The following SLC5A12 variants were observed in gnomAD, a reference collection of about 807,000 sequenced individuals.
SLC5A12 encodes the protein sodium-coupled monocarboxylate transporter 2.
In SLC5A12, 46 loss-of-function variants were observed where a neutral mutation model predicts 72.7. The ratio of observed to expected loss-of-function variants is 0.63; its 90% CI spans 0.50 to 0.81. SLC5A12 has a LOEUF of 0.81. Among genes scored for constraint, SLC5A12 ranks in the 30% least tolerant of loss-of-function variants. SLC5A12 has a pLI of 0.00. For synonymous variants in SLC5A12, 275 were observed against 264.4 expected, an observed-to-expected ratio of 1.04 and a Z score of -0.39; for missense variants, 683 against 740.7, an observed-to-expected ratio of 0.92 and a Z score of 0.90.
chr11:26,685,465 C>T (rs576119888), intron 10 of SLC5A12, among the ~76,000 whole-genome samples: 52 of 151,814 alleles, frequency 3.4e-4, no homozygotes, highest in Non-Finnish European at 6.0e-4. Context: ...ACTAAAACTA[C>T]AAAAATTAAC....
chr11:26,707,076 C>A (rs1855107165), intron 4 of SLC5A12, among the ~76,000 whole-genome samples: 1 of 151,772 alleles, frequency 6.6e-6, no homozygotes, highest in South Asian at 2.1e-4. Context: ...TCTTGACATT[C>A]AACTCCTGAA....
intron 1 of SLC5A12, among the ~76,000 whole-genome samples, chr11:26,714,062 C>G (rs1033820289): frequency 1.3e-5 from 2 of 151,334 alleles, no homozygotes; most frequent in Non-Finnish European, 2.9e-5. Flanking sequence ...ATTTTCTCAC[C>G]TCAAAATCCT....
At chr11:26,712,198 G>A (rs991833708) in intron 2 of SLC5A12, among the ~76,000 whole-genome samples, 1 of 152,100 alleles carries the variant, frequency 6.6e-6, no homozygotes, top group African/African-American at 2.4e-5. Flanking sequence ...ATAAGAAAGA[G>A]AGGGAAGTAG....
chr11:26,671,040 G>C lies in SLC5A12; in HGVS notation c.*62C>G. 6.8e-6 allele frequency: 7 copies of C among 1,032,146 alleles called. No homozygotes were observed. The highest frequency in any genetic ancestry group is 9.3e-6 in the Non-Finnish European group (7 of 749,116). The allele number at this position is 1,032,146 out of a possible 1,614,324, so 63.9% of individuals were successfully genotyped here. On this transcript the variant is annotated 3_prime_UTR_variant, in exon 15 of 15. Coordinates refer to ENST00000396005, the MANE Select transcript of SLC5A12 (RefSeq NM_178498.4). ...CTACTAACAAGTAGGCAAGAAGTAT[G>C]TGGAGTTTGTGTGTGTGTGTGTGTA...
chr11:26,696,185 C>T (rs56023810), intron 8 of SLC5A12, among the ~76,000 whole-genome samples: 86 of 152,280 alleles, frequency 5.6e-4, no homozygotes, highest in African/African-American at 2.0e-3. Context: ...TCTTCCATGT[C>T]TATTAGAAAG....
intron 13 of SLC5A12, among the ~76,000 whole-genome samples, chr11:26,675,915 A>C (rs1854253874): frequency 6.6e-6 from 1 of 151,944 alleles, no homozygotes; most frequent in Admixed American, 6.6e-5. Flanking sequence ...AACTTGCAAC[A>C]GAAAGAATGG....
chr11:26,675,876 G>A (rs1854252898), intron 13 of SLC5A12, among the ~76,000 whole-genome samples: 2 of 152,040 alleles, frequency 1.3e-5, no homozygotes, highest in Admixed American at 6.6e-5. Context: ...TAAAATTTCA[G>A]AAACCTAGGA....
At chr11:26,698,188 G>A (rs543201267) in intron 7 of SLC5A12, among the ~76,000 whole-genome samples, 216 of 152,158 alleles carry the variant, frequency 1.4e-3, no homozygotes, top group Non-Finnish European at 1.8e-3. Context: ...GTGATCCACC[G>A]TGCCTGGCCA....
intron 8 of SLC5A12, among the ~76,000 whole-genome samples, chr11:26,693,517 C>T (rs983316524): frequency 2.0e-4 from 31 of 152,144 alleles, no homozygotes; most frequent in Admixed American, 1.6e-3. Flanking sequence ...AGGACCTGAA[C>T]GTTGGGGTTT....
intron 13 of SLC5A12, among the ~76,000 whole-genome samples, chr11:26,677,193 C>A (rs1411732040): frequency 6.6e-6 from 1 of 151,936 alleles, no homozygotes; most frequent in Non-Finnish European, 1.5e-5. Context: ...CATAATTAGA[C>A]TTTGTTAGAG....
At chr11:26,691,765 C>T (rs1003516756) in intron 9 of SLC5A12, 1 of 151,926 alleles carries the variant, frequency 6.6e-6, no homozygotes, top group Non-Finnish European at 1.5e-5. Context: ...AAAAGTAAAC[C>T]TTGTGAAACT....
At chr11:26,676,176 AT>A (rs1854261022) in intron 13 of SLC5A12, among the ~76,000 whole-genome samples, 1 of 152,116 alleles carries the variant, frequency 6.6e-6, no homozygotes, top group East Asian at 1.9e-4. Flanking sequence ...AGTCCAGTAA[AT>A]TTCTCTGATG....
chr11:26,686,257 T>G (rs1854529929), intron 10 of SLC5A12, among the ~76,000 whole-genome samples: 1 of 151,966 alleles, frequency 6.6e-6, no homozygotes, highest in South Asian at 2.1e-4. Flanking sequence ...AGTGATTTAA[T>G]AGTTTCCCCT....
At position 26,667,226 on chromosome 11, in the gene SLC5A12, A is replaced by C. The variant is rs1021358031; in HGVS notation, c.*3876T>G. 3.9e-5 allele frequency: 6 copies of C among 151,926 alleles called. No individual in the cohort carries two copies. Among genetic ancestry groups the C allele is most frequent in the African/African-American group, 1.2e-4 (5 of 41,428 alleles). The allele number at this position is 151,926 out of a possible 1,614,324, so 9.4% of individuals were successfully genotyped here. A position where few individuals can be genotyped will look rare whatever the true frequency, so the allele number is the denominator to read the frequency against. On this transcript the variant is annotated 3_prime_UTR_variant, in exon 15 of 15. Transcript: ENST00000396005. Reference sequence around the variant, plus strand: ...AAGTACATGAGACTTGTAAATATACAAATGTGCATGTACATACAGCTATAA... The same window carrying C: ...AAGTACATGAGACTTGTAAATATACCAATGTGCATGTACATACAGCTATAA...
At chr11:26,698,061 C>A (rs914894136) in intron 7 of SLC5A12, among the ~76,000 whole-genome samples, 1 of 151,942 alleles carries the variant, frequency 6.6e-6, no homozygotes, top group African/African-American at 2.4e-5. Context: ...CCTTGCCTGG[C>A]TAATTTTTGT....
chr11:26,700,744 C>A (rs1355009127), intron 6 of SLC5A12, among the ~76,000 whole-genome samples: 1 of 152,038 alleles, frequency 6.6e-6, no homozygotes, highest in South Asian at 2.1e-4. Context: ...CCAGGAAGCA[C>A]ATGTAAGTGT....
intron 14 of SLC5A12, among the ~76,000 whole-genome samples, chr11:26,673,145 C>A (rs1169839108): frequency 6.6e-6 from 1 of 152,158 alleles, no homozygotes; most frequent in Non-Finnish European, 1.5e-5. Flanking sequence ...TTCACCTTCA[C>A]AGGGGTTAAA....
At chr11:26,709,169 A>C (rs945976728) in intron 4 of SLC5A12, 143 bp downstream of exon 4, 1 of 538,746 alleles carries the variant, frequency 1.9e-6, no homozygotes, top group African/African-American at 1.9e-5. Context: ...CTTCCTCAGG[A>C]AACTGTGACA....
chr11:26,709,362 A>G lies in SLC5A12; in HGVS notation c.475T>C (p.Trp159Arg), dbSNP rs1855166332. 6.2e-7 allele frequency: 1 copy of G among 1,611,508 alleles called. No individual in the cohort carries two copies. Among genetic ancestry groups the G allele is most frequent in the Non-Finnish European group, 8.5e-7 (1 of 1,178,582 alleles). The change falls in exon 4 of 15, where the codon TGG becomes CGG. Residue 159 changes from tryptophan (W) to arginine (R), a missense_variant. Transcript: ENST00000396005. ...ATTCCTGTTGCAAACACAGAGCCCCAGAGATCAAACCCAGTCACTAGGAAA... is the reference window on the plus strand; with the variant it reads ...ATTCCTGTTGCAAACACAGAGCCCCGGAGATCAAACCCAGTCACTAGGAAA... Reference protein sequence around the residue: ...ALNQVTGFDLWGSVFATGIVC... With the variant: ...ALNQVTGFDLRGSVFATGIVC...
Sources: allele counts gnomAD v4.1 joint callset (sites outside exome capture counted in the v4.1 genomes callset), GRCh38; gene constraint gnomAD v4.1.1; transcripts MANE v1.5; gene names NCBI Gene and HGNC (gene_info 2026-07-23, HGNC 2026-07-21).